Variants in ERH observed in about 807,000 individuals in gnomAD.
ERH encodes ERH mRNA splicing and mitosis factor, also known as enhancer of rudimentary homolog.
ERH carries 1 observed loss-of-function variant against 16.8 expected under a neutral mutation model. The ratio of observed to expected loss-of-function variants is 0.06; its 90% CI spans 0.02 to 0.28. The LOEUF is 0.28. ERH is among the 10% of genes least tolerant of loss of function. The pLI is 1.00. For missense variants in ERH, 42 were observed against 127.5 expected (o/e 0.33, Z 3.23); for synonymous variants, 43 against 43.6 (o/e 0.99, Z 0.05).
intron 3 of ERH, among the ~76,000 whole-genome samples, chr14:69,382,779 ACTCT>A (rs1257543813): frequency 6.8e-6 from 1 of 146,458 alleles, no homozygotes; most frequent in African/African-American, 2.6e-5. Context: ...ACAGTGCAAG[ACTCT>A]ATCTCCAAAA....
intron 3 of ERH, among the ~76,000 whole-genome samples, chr14:69,383,986 A>AT (rs200180478): frequency 6.3e-4 from 95 of 150,460 alleles, no homozygotes; most frequent in African/African-American, 2.1e-3. Context: ...TGTCTCTAAA[A>AT]TTTTTTTTTT....
chr14:69,385,762 C>G (rs115995101), intron 3 of ERH, among the ~76,000 whole-genome samples: 1 of 152,072 alleles, frequency 6.6e-6, no homozygotes. Flanking sequence ...CTACCACAAC[C>G]GTTCTGGAAG....
intron 2 of ERH, among the ~76,000 whole-genome samples, chr14:69,388,130 C>T (rs138576651): frequency 4.3e-4 from 65 of 152,280 alleles, no homozygotes; most frequent in African/African-American, 1.4e-3. Flanking sequence ...CGAGGACAAA[C>T]GACGCCATTC....
intron 3 of ERH, among the ~76,000 whole-genome samples, chr14:69,381,212 G>C (rs1378109026): frequency 6.6e-6 from 1 of 152,138 alleles, no homozygotes; most frequent in African/African-American, 2.4e-5. Context: ...ACCGGTGGAG[G>C]ATGCAGTGAG....
intron 3 of ERH, among the ~76,000 whole-genome samples, chr14:69,383,278 G>C (rs1566899091): frequency 6.6e-6 from 1 of 152,212 alleles, no homozygotes. Context: ...GTTTAGTCAT[G>C]TTACAAAGTA....
At chr14:69,391,763 C>T (rs546139926) in intron 2 of ERH, among the ~76,000 whole-genome samples, 1 of 143,026 alleles carries the variant, frequency 7.0e-6, no homozygotes, top group Non-Finnish European at 1.5e-5. Context: ...AAAGGCAAAA[C>T]TACAGATATG....
intron 3 of ERH, among the ~76,000 whole-genome samples, chr14:69,382,228 TA>T (rs1050480398): frequency 3.3e-4 from 51 of 152,368 alleles, no homozygotes; most frequent in Middle Eastern, 6.8e-3. Flanking sequence ...TCTGGTTTAT[TA>T]AAAATGTACA....
chr14:69,386,783 G>T, intron 3 of ERH, 180 bp downstream of exon 3: 3 of 503,352 alleles, frequency 6.0e-6, no homozygotes, highest in African/African-American at 3.9e-5. Flanking sequence ...TTTTTTCTGT[G>T]CCTTTGGCTT....
At chr14:69,397,912 T>A (rs1882399283) in intron 1 of ERH, 1 of 524,740 alleles carries the variant, frequency 1.9e-6, no homozygotes, top group Non-Finnish European at 3.4e-6. Context: ...AGTGAGACTC[T>A]CTATCTCAAA....
chr14:69,386,827 T>C (rs1284092302), intron 3 of ERH, 136 bp downstream of exon 3: 8 of 671,922 alleles, frequency 1.2e-5, no homozygotes, highest in Non-Finnish European at 1.8e-5. Context: ...GTAAGAGAAA[T>C]ATTAATTACT....
At chr14:69,394,787 G>A (rs1566901585) in intron 2 of ERH, 38 bp downstream of exon 2, 3 of 1,479,370 alleles carry the variant, frequency 2.0e-6, no homozygotes, top group Admixed American at 1.9e-5. Context: ...GTTCCTAAAT[G>A]AGACATTTTT....
intron 2 of ERH, among the ~76,000 whole-genome samples, chr14:69,389,241 G>A (rs746894571): frequency 4.6e-5 from 7 of 152,104 alleles, no homozygotes; most frequent in Non-Finnish European, 1.0e-4. Flanking sequence ...TGGCCAGGCT[G>A]GTCTTGAACT....
chr14:69,389,254 T>C (rs770785197), intron 2 of ERH, among the ~76,000 whole-genome samples: 27 of 152,176 alleles, frequency 1.8e-4, no homozygotes, highest in Non-Finnish European at 3.1e-4. Context: ...CTTGAACTCT[T>C]GACCTCAGGT....
chr14:69,395,071 T>C, intron 1 of ERH, 159 bp from the exon 2 acceptor site: 4 of 614,302 alleles, frequency 6.5e-6, no homozygotes, highest in Non-Finnish European at 1.1e-5. Context: ...CCTCATCCTC[T>C]GGGAGGCTGA....
At chr14:69,387,218 T>C in intron 2 of ERH, 135 bp from the exon 3 acceptor site, 1 of 638,820 alleles carries the variant, frequency 1.6e-6, no homozygotes, top group East Asian at 2.9e-5. Context: ...AGATGATAGA[T>C]TGATGGCTTT....
intron 2 of ERH, among the ~76,000 whole-genome samples, chr14:69,388,449 C>T (rs1479541170): frequency 1.3e-5 from 2 of 152,048 alleles, no homozygotes; most frequent in Non-Finnish European, 2.9e-5. Flanking sequence ...CAACCTCCGC[C>T]TCCTGGGTTC....
chr14:69,391,739 C>T (rs1882215850), intron 2 of ERH, among the ~76,000 whole-genome samples: 1 of 137,610 alleles, frequency 7.3e-6, no homozygotes, highest in African/African-American at 2.7e-5. Context: ...GTAACTCTAA[C>T]ATGACATTCC....
chr14:69,383,501 C>T (rs1361250198), intron 3 of ERH, among the ~76,000 whole-genome samples: 1 of 152,180 alleles, frequency 6.6e-6, no homozygotes, highest in Non-Finnish European at 1.5e-5. Context: ...TACCTTATTT[C>T]TCCTGAATAT....
intron 2 of ERH, among the ~76,000 whole-genome samples, chr14:69,393,133 G>A (rs1391199619): frequency 1.3e-5 from 2 of 152,104 alleles, no homozygotes; most frequent in Non-Finnish European, 2.9e-5. Flanking sequence ...CCTGGCCAAC[G>A]TGGCGAAACC....
Sources: allele counts gnomAD v4.1 joint callset (sites outside exome capture counted in the v4.1 genomes callset), GRCh38; gene constraint gnomAD v4.1.1; transcripts MANE v1.5; gene names NCBI Gene and HGNC (gene_info 2026-07-23, HGNC 2026-07-21).